The following ELP1 variants were observed in gnomAD, a reference collection of about 807,000 sequenced individuals.
ELP1 encodes elongator complex protein 1.
Under a neutral mutation model 183.2 loss-of-function variants are expected in ELP1, and 131 were observed. The ratio of observed to expected loss-of-function variants is 0.72; its 90% CI spans 0.62 to 0.83. The LOEUF (loss-of-function observed/expected upper bound fraction) is 0.83. ELP1 is among the 40% of genes least tolerant of loss of function. The pLI is 0.00. For missense variants in ELP1, 1,550 were observed against 1,594.9 expected, an observed-to-expected ratio of 0.97 and a Z score of 0.48; for synonymous variants, 555 against 569.0, an observed-to-expected ratio of 0.98 and a Z score of 0.35.
At chr9:108,880,881 G>T (rs950496842) in intron 31 of ELP1, among the ~76,000 whole-genome samples, 5 of 152,174 alleles carry the variant, frequency 3.3e-5, no homozygotes, top group Non-Finnish European at 7.3e-5. Flanking sequence ...ATGGAGGAAG[G>T]GGGTGCAGAC....
Position 108,906,289 on chromosome 9 carries a change from A to G in ELP1, c.1643+14T>C, listed in dbSNP as rs754981257. 4.3e-6 allele frequency: 7 copies of G among 1,613,610 alleles called. No individual in the cohort carries two copies. In the South Asian group the frequency reaches 7.7e-5, roughly 18 times the overall value. ...TTTGCTTAACATGTGGAGTACAGGG[A>G]AAAACTGCAATACCTGACATTGAGC... is the stretch of plus-strand genomic sequence containing the variant. On this transcript the variant is annotated intron_variant, in intron 14 of 36. Transcript: ENST00000374647.
intron 4 of ELP1, 84 bp from the exon 5 acceptor site, chr9:108,926,687 G>A: frequency 1.1e-6 from 1 of 945,398 alleles, no homozygotes; most frequent in Admixed American, 1.9e-5. Flanking sequence ...GTAAGCTAAG[G>A]AGCTGGAGTT....
In ELP1 at chr9:108,880,051, C is replaced by T. The variant is rs1478450302; in HGVS notation, c.3460+1G>A. ...TCGATGGCCTTCACGCAGATACTCA[C>T]CCAGACCTGCCTGCTGGGCTTGCTC... is the stretch of plus-strand genomic sequence containing the variant. On this transcript the variant is annotated splice_donor_variant, in intron 32 of 36. Coordinates refer to ENST00000374647, the MANE Select transcript of ELP1 (RefSeq NM_003640.5). LOFTEE classifies it high-confidence loss of function. 8.7e-6 allele frequency: 14 copies of T among 1,605,542 alleles called. No homozygotes were observed. The highest frequency in any genetic ancestry group is 1.2e-5 in the Non-Finnish European group (14 of 1,172,098).
chr9:108,902,183 T>C (rs1198110725), intron 16 of ELP1, among the ~76,000 whole-genome samples: 1 of 152,138 alleles, frequency 6.6e-6, no homozygotes, highest in East Asian at 1.9e-4. Context: ...CTCAAGGAGT[T>C]TGTTGTTCCT....
rs190782536 is a variant in ELP1 at position 108,917,787 on chromosome 9, A to G, written c.741-117T>C. 4.1e-3 allele frequency: 4,682 copies of G among 1,132,156 alleles called. 17 individuals are homozygous for G. Among genetic ancestry groups the G allele is most frequent in the Middle Eastern group, 9.8e-3 (48 of 4,874 alleles). The allele number at this position is 1,132,156 out of a possible 1,614,324, so 70.1% of individuals were successfully genotyped here. On this transcript the variant is annotated intron_variant, in intron 8 of 36. Transcript: ENST00000374647. ...AATGAATGAATGAACGAATTAATGA[A>G]TATCTTTATCCAAGGAAGTTTTAAA...
chr9:108,883,070 A>G (rs144131978), intron 29 of ELP1, among the ~76,000 whole-genome samples: 12 of 152,326 alleles, frequency 7.9e-5, no homozygotes, highest in Admixed American at 2.0e-4. Context: ...CCAATTTATC[A>G]ATTTATTGAT....
At chr9:108,872,430 A>T (rs1161195688) in intron 36 of ELP1, among the ~76,000 whole-genome samples, 1 of 152,226 alleles carries the variant, frequency 6.6e-6, no homozygotes, top group Non-Finnish European at 1.5e-5. Context: ...AATACTGAAA[A>T]AAGGCTACTT....
Position 108,906,380 on chromosome 9 carries a change from G to A in ELP1, c.1566C>T (p.Phe522=). Residue 522 remains phenylalanine (F), a synonymous_variant, in exon 14 of 37, where the codon TTC becomes TTT. Coordinates refer to ENST00000374647, the MANE Select transcript of ELP1 (RefSeq NM_003640.5). ...DVFLAVSHSE[F]SPRSVIHHLT... is the part of the protein sequence containing the mutation. ...AATGGTGAATGACAGACCGGGGGCTGAACTCACTGTGGCTTACAGCCAGGA... is the reference window on the plus strand; with the variant it reads ...AATGGTGAATGACAGACCGGGGGCTAAACTCACTGTGGCTTACAGCCAGGA... 1.2e-6 allele frequency: 2 copies of A among 1,614,118 alleles called. No homozygotes were observed. Among genetic ancestry groups the A allele is most frequent in the Non-Finnish European group, 1.7e-6 (2 of 1,179,958 alleles).
intron 16 of ELP1, among the ~76,000 whole-genome samples, chr9:108,902,441 C>T (rs575188215): frequency 3.9e-5 from 6 of 152,108 alleles, no homozygotes; most frequent in African/African-American, 7.2e-5. Flanking sequence ...ATTAGTCAAG[C>T]GGTTTTGTTT....
Position 108,922,945 on chromosome 9 carries a change from A to G in ELP1, c.467-18T>C, listed in dbSNP as rs772141510. On this transcript the variant is annotated intron_variant, in intron 5 of 36. Coordinates refer to ENST00000374647, the MANE Select transcript of ELP1 (RefSeq NM_003640.5). ...AAACTTGCCTACAGAACAATTGGCA[A>G]GACAACTAATAAGCCACATGAAATG... 1.3e-6 allele frequency: 2 copies of G among 1,568,148 alleles called. No homozygotes were observed. Among genetic ancestry groups the G allele is most frequent in the East Asian group, 2.2e-5 (1 of 44,652 alleles).
In ELP1 at chr9:108,878,644, G is replaced by A; in HGVS notation, c.3679C>T (p.Gln1227Ter). 6.2e-7 allele frequency: 1 copy of A among 1,614,164 alleles called. No individual in the cohort carries two copies. Residue 1227 changes from glutamine to a stop codon, truncating the protein, a stop_gained, in exon 34 of 37, where the codon CAG becomes TAG. Transcript: ENST00000374647. LOFTEE classifies it high-confidence loss of function. ...ALLEALSEVV[Q>*]NTENLKDEVY... Reference sequence around the variant, plus strand: ...ATACCTTTCAGGTTTTCAGTGTTCTGCACCACTTCACTCAGTGCCTCCAGG... The same window carrying A: ...ATACCTTTCAGGTTTTCAGTGTTCTACACCACTTCACTCAGTGCCTCCAGG...
intron 35 of ELP1, 88 bp from the exon 36 acceptor site, chr9:108,875,058 A>G (rs1827654614): frequency 1.2e-6 from 1 of 848,406 alleles, no homozygotes; most frequent in Non-Finnish European, 2.0e-6. Flanking sequence ...ACCCCCAGAA[A>G]ACAGCCTGTC....
chr9:108,917,524 G>GTGAAACAAACTCAGGCAC (rs1829486349), intron 9 of ELP1, 23 bp downstream of exon 9: 1 of 1,612,628 alleles, frequency 6.2e-7, no homozygotes, highest in Non-Finnish European at 8.5e-7. Context: ...ACATTCGAGG[G>GTGAAACAAACTCAGGCAC]TGAAACAAAC....
chr9:108,871,827 G>A (rs751863811), intron 36 of ELP1, among the ~76,000 whole-genome samples: 3 of 152,166 alleles, frequency 2.0e-5, no homozygotes, highest in Non-Finnish European at 2.9e-5. Context: ...CATAAAAGCT[G>A]CATCTTCAAT....
At chr9:108,912,230 T>G in intron 11 of ELP1, 34 bp downstream of exon 11, 1 of 1,540,054 alleles carries the variant, frequency 6.5e-7, no homozygotes, top group Non-Finnish European at 9.0e-7. Context: ...CAGGACCCCT[T>G]GCAGGCTCAT....
At position 108,898,598 on chromosome 9, in the gene ELP1, A is replaced by G. The variant is rs1828647264; in HGVS notation, c.2284-17T>C. On this transcript the variant is annotated splice_polypyrimidine_tract_variant and intron_variant, in intron 21 of 36. Transcript: ENST00000374647. ...AAGAAACACCTACCAAAAAAAGGAC[A>G]AAACATCTTCGTTCAGATCATATTA... The G allele has an allele frequency of 1.9e-6, 3 of 1,605,798 alleles. No homozygotes were observed. Among genetic ancestry groups the G allele is most frequent in the African/African-American group, 2.7e-5 (2 of 74,766 alleles).
chr9:108,905,598 T>C (rs1303403936), intron 14 of ELP1, among the ~76,000 whole-genome samples: 2 of 152,116 alleles, frequency 1.3e-5, no homozygotes, highest in African/African-American at 2.4e-5. Context: ...AGTCACCACA[T>C]CAAAACAAAG....
At chr9:108,903,388 A>T (rs565109304) in intron 15 of ELP1, among the ~76,000 whole-genome samples, 175 bp downstream of exon 15, 1 of 152,330 alleles carries the variant, frequency 6.6e-6, no homozygotes, top group Non-Finnish European at 1.5e-5. Context: ...TAGTTCATTA[A>T]AAGAGGAAAC....
At chr9:108,887,956 T>G (rs1440308640) in intron 29 of ELP1, among the ~76,000 whole-genome samples, 1 of 152,194 alleles carries the variant, frequency 6.6e-6, no homozygotes, top group African/African-American at 2.4e-5. Flanking sequence ...CCTGTCCCCA[T>G]AAAGACCTGC....
Sources: allele counts gnomAD v4.1 joint callset (sites outside exome capture counted in the v4.1 genomes callset), GRCh38; gene constraint gnomAD v4.1.1; transcripts MANE v1.5; gene names NCBI Gene and HGNC (gene_info 2026-07-23, HGNC 2026-07-21).